The following AGBL4 variants were observed in gnomAD, a reference collection of about 807,000 sequenced individuals.
The protein encoded by AGBL4 is AGBL carboxypeptidase 4, also known as cytosolic carboxypeptidase 6.
AGBL4 carries 58 observed loss-of-function variants against 66.4 expected under a neutral mutation model. The observed-to-expected ratio is 0.87, with a 90% CI of 0.71 to 1.09. AGBL4 has a LOEUF of 1.09. AGBL4 is among the 50% of genes least tolerant of loss of function. The probability of loss-of-function intolerance (pLI) is 0.00; values close to 1 mark genes in which losing one functional copy is unlikely to be tolerated. For missense variants in AGBL4, 579 were observed against 631.0 expected, an observed-to-expected ratio of 0.92 and a Z score of 0.88; for synonymous variants, 234 against 222.9, an observed-to-expected ratio of 1.05 and a Z score of -0.44.
At chr1:48,913,839 A>T (rs181956979) in intron 5 of AGBL4, among the ~76,000 whole-genome samples, 1 of 152,322 alleles carries the variant, frequency 6.6e-6, no homozygotes, top group Non-Finnish European at 1.5e-5. Flanking sequence ...CTCTGGTGCC[A>T]GAGAGGTTGG....
chr1:49,186,224 C>T (rs767104786), intron 4 of AGBL4, among the ~76,000 whole-genome samples: 1 of 152,118 alleles, frequency 6.6e-6, no homozygotes, highest in African/African-American at 2.4e-5. Context: ...TCATATGCCC[C>T]TCTCCCTAGA....
intron 3 of AGBL4, among the ~76,000 whole-genome samples, chr1:49,688,473 C>A (rs1646827222): frequency 6.6e-6 from 1 of 152,142 alleles, no homozygotes; most frequent in South Asian, 2.1e-4. Context: ...TTTATCCATT[C>A]ATCTGTTGAC....
intron 5 of AGBL4, among the ~76,000 whole-genome samples, chr1:49,030,768 A>G (rs1234950183): frequency 6.6e-6 from 1 of 151,346 alleles, no homozygotes; most frequent in African/African-American, 2.4e-5. Context: ...CCGTTGGTTT[A>G]AGCCACCTAG....
chr1:48,754,827 G>C (rs1287744746), intron 6 of AGBL4, among the ~76,000 whole-genome samples: 1 of 152,068 alleles, frequency 6.6e-6, no homozygotes, highest in Non-Finnish European at 1.5e-5. Context: ...CCCATGTTGG[G>C]AAAAATGAAG....
chr1:49,264,321 T>A (rs569247832), intron 3 of AGBL4, among the ~76,000 whole-genome samples: 4 of 152,300 alleles, frequency 2.6e-5, no homozygotes, highest in African/African-American at 7.2e-5. Context: ...AAAATTTAAA[T>A]AACTTTAATT....
At position 48,953,277 on chromosome 1, in the gene AGBL4, G is replaced by A. The variant is rs145497743; in HGVS notation, c.595-86047C>T. The stretch of plus-strand genomic sequence containing the variant: ...CCATAGTTTCTATCCCCATCACTAA[G>A]TACCAGATGCTACAGTTAACACTAC... On this transcript the variant is annotated intron_variant, in intron 5 of 13. Transcript: ENST00000371839. 3.1e-3 allele frequency among the ~76,000 whole-genome samples: 475 copies of A among 152,256 alleles called. 3 individuals carry two copies. The highest frequency in any genetic ancestry group is 0.011 in the African/African-American group (456 of 41,554).
chr1:49,356,409 G>C (rs1363143344), intron 3 of AGBL4, among the ~76,000 whole-genome samples: 1 of 152,174 alleles, frequency 6.6e-6, no homozygotes, highest in Non-Finnish European at 1.5e-5. Context: ...CTGAAAACAA[G>C]TGACTGATTA....
chr1:49,413,534 G>T (rs144083904), intron 3 of AGBL4, among the ~76,000 whole-genome samples: 1 of 152,210 alleles, frequency 6.6e-6, no homozygotes, highest in African/African-American at 2.4e-5. Context: ...TGAGGGTGAA[G>T]CCCAAGTTGC....
At chr1:50,020,938 G>A (rs1662399367) in intron 1 of AGBL4, among the ~76,000 whole-genome samples, 1 of 152,178 alleles carries the variant, frequency 6.6e-6, no homozygotes, top group Non-Finnish European at 1.5e-5. Flanking sequence ...TCTAAAACCA[G>A]TCAATCCTGA....
At chr1:49,403,695 A>G (rs1645136461) in intron 3 of AGBL4, among the ~76,000 whole-genome samples, 1 of 152,168 alleles carries the variant, frequency 6.6e-6, no homozygotes, top group African/African-American at 2.4e-5. Context: ...TATTTATTGC[A>G]GTGTTCTCAG....
At chr1:48,580,378 A>G (rs573729081) in intron 11 of AGBL4, among the ~76,000 whole-genome samples, 1 of 152,296 alleles carries the variant, frequency 6.6e-6, no homozygotes, top group South Asian at 2.1e-4. Context: ...GGAGGAGTAA[A>G]CAGCTACTGT....
At chr1:49,315,631 T>C (rs562066358) in intron 3 of AGBL4, among the ~76,000 whole-genome samples, 18 of 152,184 alleles carry the variant, frequency 1.2e-4, no homozygotes, top group African/African-American at 4.3e-4. Flanking sequence ...CCAACAAACA[T>C]ATGGAAAAAA....
At chr1:49,682,754 T>C (rs892080154) in intron 3 of AGBL4, among the ~76,000 whole-genome samples, 1 of 152,236 alleles carries the variant, frequency 6.6e-6, no homozygotes, top group African/African-American at 2.4e-5. Context: ...CTTCATATTA[T>C]TTAACAAGGG....
chr1:49,633,323 A>T (rs1180264466), intron 3 of AGBL4, among the ~76,000 whole-genome samples: 1 of 152,178 alleles, frequency 6.6e-6, no homozygotes, highest in African/African-American at 2.4e-5. Flanking sequence ...AAGCCAACAA[A>T]GCAGGACTTA....
At chr1:49,870,450 T>C (rs1202859746) in intron 1 of AGBL4, among the ~76,000 whole-genome samples, 2 of 151,756 alleles carry the variant, frequency 1.3e-5, no homozygotes, top group Admixed American at 6.6e-5. Context: ...AATTCGATTA[T>C]TTGTAACAGA....
At chr1:49,081,021 T>C (rs1383071520) in intron 4 of AGBL4, among the ~76,000 whole-genome samples, 3 of 152,180 alleles carry the variant, frequency 2.0e-5, no homozygotes, top group Non-Finnish European at 4.4e-5. Flanking sequence ...AAAGGAAACT[T>C]CTCTGAGACA....
chr1:49,119,230 C>T (rs1276853567), intron 4 of AGBL4, among the ~76,000 whole-genome samples: 2 of 151,940 alleles, frequency 1.3e-5, no homozygotes, highest in Admixed American at 6.6e-5. Flanking sequence ...TATTTCTTGC[C>T]TTCTGCTAGC....
At chr1:49,371,325 T>C (rs970168230) in intron 3 of AGBL4, among the ~76,000 whole-genome samples, 8 of 152,090 alleles carry the variant, frequency 5.3e-5, no homozygotes, top group Non-Finnish European at 1.2e-4. Flanking sequence ...CTCTGGAGAA[T>C]CCTGGCTAGT....
At chr1:48,708,992 G>C (rs1646921460) in intron 6 of AGBL4, among the ~76,000 whole-genome samples, 1 of 152,212 alleles carries the variant, frequency 6.6e-6, no homozygotes, top group Non-Finnish European at 1.5e-5. Context: ...CAAAGACACA[G>C]GCCTGGCTGG....
Sources: allele counts gnomAD v4.1 joint callset (sites outside exome capture counted in the v4.1 genomes callset), GRCh38; gene constraint gnomAD v4.1.1; transcripts MANE v1.5; gene names NCBI Gene and HGNC (gene_info 2026-07-23, HGNC 2026-07-21).